The following PLXDC2 variants were observed in gnomAD, a reference collection of about 807,000 sequenced individuals.
PLXDC2 encodes plexin domain containing 2.
A neutral mutation model predicts 68.9 loss-of-function variants in PLXDC2; 40 were observed. That is an observed-to-expected ratio of 0.58 (90% CI 0.45 to 0.76). The LOEUF is 0.76. Among genes scored for constraint, PLXDC2 ranks in the 30% least tolerant of loss-of-function variants. The pLI is 0.00. For synonymous variants in PLXDC2, 243 were observed against 234.2 expected (o/e 1.04, Z -0.34); for missense variants, 644 against 661.9 (o/e 0.97, Z 0.30).
At chr10:20,250,214 G>C (rs1307379083) in intron 13 of PLXDC2, among the ~76,000 whole-genome samples, 2 of 145,178 alleles carry the variant, frequency 1.4e-5, no homozygotes, top group African/African-American at 5.1e-5. Flanking sequence ...GTTGTAGTGA[G>C]CCAAGATCAC....
At chr10:20,012,472 C>T (rs921880855) in intron 2 of PLXDC2, among the ~76,000 whole-genome samples, 11 of 150,632 alleles carry the variant, frequency 7.3e-5, no homozygotes, top group South Asian at 2.1e-4. Context: ...GCCACCACCA[C>T]GCCCAGCTTT....
chr10:20,206,178 T>C (rs1834988791), intron 9 of PLXDC2, among the ~76,000 whole-genome samples: 2 of 151,962 alleles, frequency 1.3e-5, no homozygotes, highest in South Asian at 4.1e-4. Flanking sequence ...AATACAATCA[T>C]TCAAAAAAAA....
intron 1 of PLXDC2, among the ~76,000 whole-genome samples, chr10:19,898,992 G>A (rs1838112841): frequency 6.6e-6 from 1 of 152,094 alleles, no homozygotes; most frequent in African/African-American, 2.4e-5. Flanking sequence ...AATACAAAAA[G>A]AGAAATAGAA....
At chr10:20,163,205 C>CT (rs1380125399) in intron 6 of PLXDC2, among the ~76,000 whole-genome samples, 1 of 152,154 alleles carries the variant, frequency 6.6e-6, no homozygotes, top group Non-Finnish European at 1.5e-5. Flanking sequence ...TTTGCAAACA[C>CT]TTTAACGTTG....
rs530667863 is a variant in PLXDC2, at chr10:20,130,881, A to G, written c.542-12414A>G. On this transcript the variant is annotated intron_variant, in intron 4 of 13. Coordinates refer to ENST00000377252, the MANE Select transcript of PLXDC2 (RefSeq NM_032812.9). Reference sequence around the variant, plus strand: ...AATGTGCTGTTGAATTAGATTTTCTATTATTTGGTAAGGATTTCTGCATCT... The same window carrying G: ...AATGTGCTGTTGAATTAGATTTTCTGTTATTTGGTAAGGATTTCTGCATCT... 3.3e-4 allele frequency among the ~76,000 whole-genome samples: 50 copies of G among 152,210 alleles called. 1 individual carries two copies. The South Asian group carries it at 8.7e-3, about 26-fold the overall frequency.
chr10:20,039,137 C>T (rs1422771745), intron 2 of PLXDC2, among the ~76,000 whole-genome samples: 1 of 152,174 alleles, frequency 6.6e-6, no homozygotes, highest in Non-Finnish European at 1.5e-5. Context: ...CACACTGTAT[C>T]TTCCTCCTCC....
intron 4 of PLXDC2, among the ~76,000 whole-genome samples, chr10:20,133,806 T>G (rs1833899920): frequency 6.6e-6 from 1 of 152,208 alleles, no homozygotes; most frequent in Non-Finnish European, 1.5e-5. Flanking sequence ...GCCTTTTCTC[T>G]TTCTCTGCTT....
At chr10:20,197,440 C>T (rs1834854702) in intron 9 of PLXDC2, among the ~76,000 whole-genome samples, 1 of 152,100 alleles carries the variant, frequency 6.6e-6, no homozygotes, top group African/African-American at 2.4e-5. Flanking sequence ...TCACTGCAAC[C>T]TCTGCCTCCT....
At chr10:20,050,807 AT>A (rs1218876132) in intron 3 of PLXDC2, among the ~76,000 whole-genome samples, 1 of 152,156 alleles carries the variant, frequency 6.6e-6, no homozygotes, top group Non-Finnish European at 1.5e-5. Flanking sequence ...TAGTTCAACC[AT>A]TGTGGAAAGA....
rs577114958 is a variant in PLXDC2 at position 20,072,134 on chromosome 10, G to A, written c.541+3895G>A. On this transcript the variant is annotated intron_variant, in intron 4 of 13. Coordinates refer to ENST00000377252, the MANE Select transcript of PLXDC2 (RefSeq NM_032812.9). ...GGCCGAGGTGGGCGGATCACCTGAG[G>A]TCCAGAGTTTGGATCGCCTGAGGTC... 3.3e-4 allele frequency among the ~76,000 whole-genome samples: 50 copies of A among 151,800 alleles called. 1 individual carries two copies. The South Asian group carries it at 9.6e-3, about 29-fold the overall frequency.
intron 4 of PLXDC2, among the ~76,000 whole-genome samples, chr10:20,121,970 T>C (rs1833703323): frequency 6.6e-6 from 1 of 151,838 alleles, no homozygotes; most frequent in Non-Finnish European, 1.5e-5. Flanking sequence ...GCATGATCGG[T>C]TGCCAAGGAG....
intron 13 of PLXDC2, among the ~76,000 whole-genome samples, chr10:20,245,723 A>C (rs1040083130): frequency 6.6e-6 from 1 of 152,182 alleles, no homozygotes; most frequent in African/African-American, 2.4e-5. Flanking sequence ...AGGAGCTTTT[A>C]AAGACATAAA....
At chr10:20,044,641 C>T (rs1835765874) in intron 2 of PLXDC2, among the ~76,000 whole-genome samples, 1 of 152,024 alleles carries the variant, frequency 6.6e-6, no homozygotes, top group South Asian at 2.1e-4. Context: ...GTGTTTGCCT[C>T]ATCTTCAGAC....
intron 1 of PLXDC2, among the ~76,000 whole-genome samples, chr10:19,918,024 G>C (rs1833399854): frequency 6.6e-6 from 1 of 152,140 alleles, no homozygotes; most frequent in African/African-American, 2.4e-5. Flanking sequence ...TTTCTATGCT[G>C]GTGTCCCATC....
At chr10:19,933,184 T>C (rs1477782108) in intron 1 of PLXDC2, among the ~76,000 whole-genome samples, 1 of 152,106 alleles carries the variant, frequency 6.6e-6, no homozygotes, top group African/African-American at 2.4e-5. Context: ...GTCAGCAAAA[T>C]TATTCGTTAT....
rs1165441617 is a variant in PLXDC2, at chr10:20,286,398, A to G, written c.*6579A>G. 7.2e-5 allele frequency: 11 copies of G among 152,174 alleles called. No homozygotes were observed. Among genetic ancestry groups the G allele is most frequent in the Non-Finnish European group, 1.5e-4 (10 of 68,030 alleles). The allele number at this position is 152,174 out of a possible 1,614,324, so 9.4% of individuals were successfully genotyped here. A position where few individuals can be genotyped will look rare whatever the true frequency, so the allele number is the denominator to read the frequency against. On this transcript the variant is annotated 3_prime_UTR_variant, in exon 14 of 14. Transcript: ENST00000377252. ...AAAGCTTTTGATTTGGCAGATAGTG[A>G]TATTTTATTTATTTTCATTCTGGTT...
intron 6 of PLXDC2, among the ~76,000 whole-genome samples, chr10:20,148,855 T>C (rs1834113166): frequency 6.6e-6 from 1 of 152,216 alleles, no homozygotes; most frequent in Non-Finnish European, 1.5e-5. Flanking sequence ...TGCCCTTTGG[T>C]CAAATCTTCT....
At chr10:19,923,106 G>A (rs1833486757) in intron 1 of PLXDC2, among the ~76,000 whole-genome samples, 2 of 152,058 alleles carry the variant, frequency 1.3e-5, no homozygotes, top group African/African-American at 4.8e-5. Flanking sequence ...AGCTGTTCAG[G>A]GCTTTATTTC....
chr10:20,108,777 G>GT lies in PLXDC2; in HGVS notation c.542-34517dup, dbSNP rs1564318060. On this transcript the variant is annotated intron_variant, in intron 4 of 13. Transcript: ENST00000377252. ...TCTCTTTGACTTTAAAACCTTCCAC[G>GT]TATCTGCCTTATCCTGACTTTTTAC... is the stretch of plus-strand genomic sequence containing the variant. 2.6e-5 allele frequency among the ~76,000 whole-genome samples: 4 copies of GT among 152,112 alleles called. No homozygotes were observed. In the South Asian group the frequency reaches 8.3e-4, roughly 32 times the overall value.
Sources: allele counts gnomAD v4.1 joint callset (sites outside exome capture counted in the v4.1 genomes callset), GRCh38; gene constraint gnomAD v4.1.1; transcripts MANE v1.5; gene names NCBI Gene and HGNC (gene_info 2026-07-23, HGNC 2026-07-21).